MAF: variants seen among roughly 807,000 people sequenced by gnomAD.
MAF encodes MAF bZIP transcription factor.
In MAF, 10 loss-of-function variants were observed where a neutral mutation model predicts 22.0. The observed-to-expected ratio is 0.45, with a 90% CI of 0.28 to 0.77. MAF has a LOEUF of 0.77. Among genes scored for constraint, MAF ranks in the 30% least tolerant of loss-of-function variants. The probability of loss-of-function intolerance (pLI) is 0.12; values close to 1 mark genes in which losing one functional copy is unlikely to be tolerated. For synonymous variants in MAF, 337 were observed against 255.8 expected (o/e 1.32, Z -3.03); for missense variants, 544 against 548.4 (o/e 0.99, Z 0.08).
At chr16:79,334,838 A>AGTGT in the MAF span, among the ~76,000 whole-genome samples, 6 of 147,132 alleles carry the variant, frequency 4.1e-5, no homozygotes, top group African/African-American at 1.0e-4. Flanking sequence ...ACGTCAATAA[A>AGTGT]GTGTGTGTGT....
At chr16:79,249,257 T>A in the MAF span, among the ~76,000 whole-genome samples, 1 of 152,082 alleles carries the variant, frequency 6.6e-6, no homozygotes, top group East Asian at 1.9e-4. Flanking sequence ...CCATCTCTAC[T>A]AAAAATACAA....
chr16:79,216,642 G>C, the MAF span, among the ~76,000 whole-genome samples: 1 of 152,126 alleles, frequency 6.6e-6, no homozygotes, highest in Non-Finnish European at 1.5e-5. Context: ...GCTGGGCTAT[G>C]CTATGATGTT....
chr16:79,358,882 G>C, the MAF span, among the ~76,000 whole-genome samples: 1 of 152,230 alleles, frequency 6.6e-6, no homozygotes, highest in Non-Finnish European at 1.5e-5. Context: ...TGCTCCGATG[G>C]GAGGGAAATT....
chr16:79,238,378 C>T, the MAF span, among the ~76,000 whole-genome samples: 111 of 152,112 alleles, frequency 7.3e-4, 1 homozygote, highest in South Asian at 0.016. Context: ...TATCTAAGAG[C>T]GGGGGCACTG....
chr16:79,460,947 C>A, the MAF span, among the ~76,000 whole-genome samples: 14 of 152,184 alleles, frequency 9.2e-5, no homozygotes, highest in South Asian at 2.9e-3. Flanking sequence ...TTTCAGCTCT[C>A]CAAACTTGTA....
At chr16:79,221,757 GTA>G in the MAF span, among the ~76,000 whole-genome samples, 2,771 of 152,076 alleles carry the variant, frequency 0.018, 47 homozygotes, top group Non-Finnish European at 0.03. Context: ...GATTGTGTGT[GTA>G]TGTGTGTGTG....
the MAF span, among the ~76,000 whole-genome samples, chr16:79,286,614 C>T: frequency 6.6e-5 from 10 of 152,212 alleles, no homozygotes; most frequent in African/African-American, 2.2e-4. Flanking sequence ...TAGGCAAAGA[C>T]ACATCTATTG....
the MAF span, among the ~76,000 whole-genome samples, chr16:79,491,030 C>G: frequency 6.6e-6 from 1 of 152,058 alleles, no homozygotes; most frequent in African/African-American, 2.4e-5. Context: ...TGATGAGAAT[C>G]AATAAATGGA....
At chr16:79,223,609 C>G in the MAF span, among the ~76,000 whole-genome samples, 80,219 of 151,816 alleles carry the variant, frequency 0.53, 21,884 homozygotes, top group Non-Finnish European at 0.61. Context: ...AAATACACCA[C>G]TAGCCAGATT....
chr16:79,532,286 A>T, the MAF span, among the ~76,000 whole-genome samples: 1 of 152,178 alleles, frequency 6.6e-6, no homozygotes, highest in African/African-American at 2.4e-5. Context: ...ACAAACAGGA[A>T]GCCATTCTCC....
the MAF span, among the ~76,000 whole-genome samples, chr16:79,371,584 A>G: frequency 6.6e-6 from 1 of 152,050 alleles, no homozygotes; most frequent in African/African-American, 2.4e-5. Context: ...ACACACACCA[A>G]GCTCTTTCTT....
At chr16:79,447,954 T>A in the MAF span, among the ~76,000 whole-genome samples, 23 of 150,366 alleles carry the variant, frequency 1.5e-4, no homozygotes, top group African/African-American at 5.7e-4. Context: ...ATGACTGAAT[T>A]GCTGCAGTCT....
At chr16:79,434,041 A>G in the MAF span, among the ~76,000 whole-genome samples, 177 of 152,204 alleles carry the variant, frequency 1.2e-3, no homozygotes, top group African/African-American at 3.8e-3. Flanking sequence ...TGTGGTAGTG[A>G]CTGTTCTCCC....
chr16:79,481,405 C>T, the MAF span, among the ~76,000 whole-genome samples: 1 of 152,088 alleles, frequency 6.6e-6, no homozygotes, highest in East Asian at 1.9e-4. Flanking sequence ...CCACATACCC[C>T]ATGAATAGTG....
At chr16:79,353,576 G>A in the MAF span, among the ~76,000 whole-genome samples, 6 of 152,232 alleles carry the variant, frequency 3.9e-5, no homozygotes, top group South Asian at 1.0e-3. Flanking sequence ...AGCGTCATCT[G>A]CATAGCACCT....
the MAF span, among the ~76,000 whole-genome samples, chr16:79,409,689 G>T: frequency 2.0e-5 from 3 of 152,188 alleles, no homozygotes; most frequent in African/African-American, 7.2e-5. Context: ...TGCCCAGAGG[G>T]TTGGCTGCAG....
the MAF span, among the ~76,000 whole-genome samples, chr16:79,512,009 C>A: frequency 6.6e-6 from 1 of 152,304 alleles, no homozygotes; most frequent in Non-Finnish European, 1.5e-5. Context: ...ATCTCTCTAA[C>A]CTGACACCCA....
At chr16:79,441,274 A>G in the MAF span, among the ~76,000 whole-genome samples, 17 of 152,222 alleles carry the variant, frequency 1.1e-4, no homozygotes, top group Non-Finnish European at 2.2e-4. Flanking sequence ...ACATTTTCCT[A>G]TGCTGGGAAG....
At chr16:79,474,200 C>T in the MAF span, among the ~76,000 whole-genome samples, 2 of 152,158 alleles carry the variant, frequency 1.3e-5, no homozygotes, top group African/African-American at 4.8e-5. Context: ...GCTACCCCCT[C>T]CTCCAAATCT....
Sources: gnomAD v4.1 joint callset for allele counts (sites outside exome capture counted in the v4.1 genomes callset) on GRCh38, gnomAD v4.1.1 for gene constraint, MANE v1.5 for transcripts, NCBI Gene and HGNC (gene_info 2026-07-23, HGNC 2026-07-21) for gene names.